RNLS: variants seen among roughly 807,000 people sequenced by gnomAD.
RNLS encodes the protein renalase.
In RNLS, 39 loss-of-function variants were observed where a neutral mutation model predicts 39.8. The ratio of observed to expected loss-of-function variants is 0.98; its 90% CI spans 0.76 to 1.28. The LOEUF is 1.28. Ranked by LOEUF, RNLS falls within the 50% of genes most tolerant of loss-of-function variation. RNLS has a pLI of 0.00. For missense variants in RNLS, 410 were observed against 413.3 expected (o/e 0.99, Z 0.07); for synonymous variants, 147 against 150.7 (o/e 0.98, Z 0.18).
At chr10:88,349,264 C>G (rs1203927737) in intron 5 of RNLS, among the ~76,000 whole-genome samples, 2 of 152,130 alleles carry the variant, frequency 1.3e-5, no homozygotes, top group East Asian at 3.8e-4. Flanking sequence ...CATTCCATCT[C>G]TGGCATTGAT....
intron 4 of RNLS, among the ~76,000 whole-genome samples, chr10:88,443,079 T>C (rs1841821872): frequency 6.6e-6 from 1 of 152,214 alleles, no homozygotes; most frequent in Admixed American, 6.5e-5. Context: ...ATTTAATCTG[T>C]TAAACATCTT....
At chr10:88,443,049 T>C (rs551457368) in intron 4 of RNLS, among the ~76,000 whole-genome samples, 1 of 152,184 alleles carries the variant, frequency 6.6e-6, no homozygotes, top group Non-Finnish European at 1.5e-5. Context: ...CCTCTCAACT[T>C]CCACATCCAA....
chr10:88,553,588 G>A (rs533641846), intron 4 of RNLS, among the ~76,000 whole-genome samples: 5 of 152,220 alleles, frequency 3.3e-5, no homozygotes, highest in African/African-American at 1.2e-4. Context: ...CAGTCTCCAT[G>A]AGCACACTGC....
chr10:88,196,339 T>C, the RNLS span, among the ~76,000 whole-genome samples: 1 of 152,258 alleles, frequency 6.6e-6, no homozygotes, highest in Non-Finnish European at 1.5e-5. Flanking sequence ...AGTGGGATTG[T>C]ATAGATCCTC....
chr10:88,546,996 T>C (rs898289667), intron 4 of RNLS, among the ~76,000 whole-genome samples: 4 of 152,120 alleles, frequency 2.6e-5, no homozygotes, highest in Admixed American at 6.5e-5. Flanking sequence ...CCAAAGCAGA[T>C]ATCTAAAATA....
chr10:88,270,522 G>T (rs1346175459), downstream of RNLS, among the ~76,000 whole-genome samples: 1 of 152,168 alleles, frequency 6.6e-6, no homozygotes, highest in Non-Finnish European at 1.5e-5. Flanking sequence ...CTATGACACT[G>T]ATTTGAGAAA....
intron 4 of RNLS, among the ~76,000 whole-genome samples, chr10:88,400,577 G>GA (rs1311682552): frequency 6.6e-6 from 1 of 151,884 alleles, no homozygotes; most frequent in Non-Finnish European, 1.5e-5. Flanking sequence ...GACATTTTAT[G>GA]AATCTGTTTA....
the RNLS span, among the ~76,000 whole-genome samples, chr10:88,251,079 G>A: frequency 6.6e-6 from 1 of 152,166 alleles, no homozygotes; most frequent in African/African-American, 2.4e-5. Flanking sequence ...TAAAATGCTT[G>A]CATATTCAGA....
chr10:88,302,771 G>T (rs1214740600), intron 6 of RNLS, among the ~76,000 whole-genome samples: 2 of 152,094 alleles, frequency 1.3e-5, no homozygotes, highest in African/African-American at 4.8e-5. Flanking sequence ...CAATCTTTTG[G>T]ATTTACAAGT....
chr10:88,510,198 A>C (rs1239404734), intron 4 of RNLS, among the ~76,000 whole-genome samples: 2 of 152,178 alleles, frequency 1.3e-5, no homozygotes, highest in Non-Finnish European at 2.9e-5. Context: ...TGTATATATA[A>C]ATTGAATGCA....
At chr10:88,439,208 T>C (rs1008808881) in intron 4 of RNLS, among the ~76,000 whole-genome samples, 4 of 152,242 alleles carry the variant, frequency 2.6e-5, no homozygotes, top group African/African-American at 9.6e-5. Flanking sequence ...ATTGTTACTG[T>C]GGCTGCTTTA....
chr10:88,279,772 C>T (rs766025434), downstream of RNLS, among the ~76,000 whole-genome samples: 2 of 152,152 alleles, frequency 1.3e-5, no homozygotes, highest in Non-Finnish European at 2.9e-5. Flanking sequence ...CTATTTTATA[C>T]CATCACTACT....
intron 5 of RNLS, among the ~76,000 whole-genome samples, chr10:88,345,243 GCAGT>G (rs1272243749): frequency 1.3e-5 from 2 of 152,130 alleles, no homozygotes; most frequent in Middle Eastern, 3.2e-3. Flanking sequence ...GTGAGATTCT[GCAGT>G]CAGACTTCGA....
chr10:88,283,413 T>G (rs1274702727), downstream of RNLS, among the ~76,000 whole-genome samples: 1 of 151,956 alleles, frequency 6.6e-6, no homozygotes, highest in Non-Finnish European at 1.5e-5. Flanking sequence ...CTTTACAAAT[T>G]CCCTCCCCCT....
At chr10:88,293,985 T>C (rs1247599055) in intron 6 of RNLS, among the ~76,000 whole-genome samples, 1 of 152,206 alleles carries the variant, frequency 6.6e-6, no homozygotes, top group African/African-American at 2.4e-5. Flanking sequence ...TAGATAAAAC[T>C]AGAATCTACA....
chr10:88,535,769 A>G (rs559758488), intron 4 of RNLS, among the ~76,000 whole-genome samples: 2 of 152,290 alleles, frequency 1.3e-5, no homozygotes, highest in Admixed American at 6.5e-5. Flanking sequence ...TTGAGAAACT[A>G]TCTCAGTAAC....
intron 4 of RNLS, among the ~76,000 whole-genome samples, chr10:88,548,259 CTCAAAAAAA>C (rs1848423544): frequency 1.0e-4 from 1 of 9,584 alleles, no homozygotes; most frequent in African/African-American, 1.0e-3. Context: ...AAGACTCCGT[CTCAAAAAAA>C]AAAAAAAAAA....
At position 88,583,149 on chromosome 10, in the gene RNLS, GCTTCCTGT is replaced by G; in HGVS notation, c.34_41del (p.Thr12LeufsTer23). ...GCCTCCTCAGCAGCGCAGCGCACAAGCTTCCTGTCATCCCGGCGCCCACGATCAGCACC... is the reference window on the plus strand; with the variant it reads ...GCCTCCTCAGCAGCGCAGCGCACAAGCATCCCGGCGCCCACGATCAGCACC... On this transcript the variant is annotated frameshift_variant, in exon 1 of 7. Coordinates refer to ENST00000331772, the MANE Select transcript of RNLS (RefSeq NM_001031709.3). LOFTEE classifies it high-confidence loss of function. 1.2e-6 allele frequency: 2 copies of G among 1,614,044 alleles called. No homozygotes were observed. Among genetic ancestry groups the G allele is most frequent in the Non-Finnish European group, 1.7e-6 (2 of 1,179,934 alleles).
At position 88,581,644 on chromosome 10, in the gene RNLS, A is replaced by G. The variant is rs940816687; in HGVS notation, c.290T>C (p.Val97Ala). ...RPLSSPIEGM[V>A]MKEGDCNFVA... ...AAAGTTACAGTCTCCTTCTTTCATCACCATTCCTTCAATAGGCGAGCTTAG... is the reference window on the plus strand; with the variant it reads ...AAAGTTACAGTCTCCTTCTTTCATCGCCATTCCTTCAATAGGCGAGCTTAG... The change falls in exon 3 of 7, where the codon GTG becomes GCG. Residue 97 changes from valine to alanine, a missense_variant. Physicochemically the swap from Val to Ala is moderately conservative, Grantham distance 64. Coordinates refer to ENST00000331772, the MANE Select transcript of RNLS (RefSeq NM_001031709.3). The G allele has an allele frequency of 1.2e-6, 2 of 1,605,420 alleles. No individual in the cohort carries two copies. Among genetic ancestry groups the G allele is most frequent in the Non-Finnish European group, 8.5e-7 (1 of 1,175,880 alleles).
Sources: gnomAD v4.1 joint callset for allele counts (sites outside exome capture counted in the v4.1 genomes callset) on GRCh38, gnomAD v4.1.1 for gene constraint, MANE v1.5 for transcripts, NCBI Gene and HGNC (gene_info 2026-07-23, HGNC 2026-07-21) for gene names.